Variants in PARVB observed in about 807,000 individuals in gnomAD.
PARVB encodes the protein parvin beta, also known as beta-parvin.
A neutral mutation model predicts 47.0 loss-of-function variants in PARVB; 46 were observed. The observed-to-expected ratio is 0.98, with a 90% confidence interval of 0.77 to 1.25. PARVB has a LOEUF of 1.25. Among genes scored for constraint, PARVB ranks in the 50% most tolerant of loss-of-function variants. The probability of loss-of-function intolerance (pLI) is 0.00; values close to 1 mark genes in which losing one functional copy is unlikely to be tolerated. For synonymous variants in PARVB, 196 were observed against 196.3 expected (o/e 1.00, Z 0.01); for missense variants, 473 against 471.6 (o/e 1.00, Z -0.03).
chr22:44,003,543 T>C (rs1948353657), intron 2 of PARVB, among the ~76,000 whole-genome samples: 2 of 152,192 alleles, frequency 1.3e-5, no homozygotes, highest in African/African-American at 4.8e-5. Context: ...TATAATGTGC[T>C]GCGGCAGCCA....
intron 12 of PARVB, among the ~76,000 whole-genome samples, chr22:44,167,762 G>C (rs375032417): frequency 6.9e-6 from 1 of 145,606 alleles, no homozygotes; most frequent in East Asian, 2.0e-4. Context: ...CAAGCCCACC[G>C]AGCTGAGTTC....
At chr22:44,017,229 T>C (rs1455353585) in intron 2 of PARVB, among the ~76,000 whole-genome samples, 3 of 152,174 alleles carry the variant, frequency 2.0e-5, no homozygotes, top group Non-Finnish European at 2.9e-5. Context: ...AATTAGTTTT[T>C]CATAGTGTTA....
chr22:44,167,114 T>C (rs917240707), intron 12 of PARVB, among the ~76,000 whole-genome samples: 5 of 152,126 alleles, frequency 3.3e-5, no homozygotes, highest in African/African-American at 1.2e-4. Flanking sequence ...CCAGCAATGA[T>C]GGGCATCCTG....
At chr22:44,092,643 C>T (rs1349866655) in intron 1 of PARVB, among the ~76,000 whole-genome samples, 1 of 152,052 alleles carries the variant, frequency 6.6e-6, no homozygotes, top group Non-Finnish European at 1.5e-5. Context: ...ACTGGACGCT[C>T]AACATTCATG....
At chr22:44,162,655 T>C (rs2054078131) in intron 11 of PARVB, 1 of 152,332 alleles carries the variant, frequency 6.6e-6, no homozygotes, top group African/African-American at 2.4e-5. Context: ...TGAAGTCCCT[T>C]GCACTGTGAC....
chr22:44,127,907 C>G (rs1024697873), intron 4 of PARVB, among the ~76,000 whole-genome samples: 1 of 152,046 alleles, frequency 6.6e-6, no homozygotes, highest in Non-Finnish European at 1.5e-5. Flanking sequence ...ACCTCAGCTT[C>G]CCCGGGAAGC....
chr22:44,099,567 A>G (rs1268878900), intron 2 of PARVB, among the ~76,000 whole-genome samples: 1 of 151,922 alleles, frequency 6.6e-6, no homozygotes, highest in Non-Finnish European at 1.5e-5. Flanking sequence ...TTTTTTCTGC[A>G]TGTTATTTTA....
chr22:44,007,967 A>G (rs2050483357), intron 2 of PARVB, among the ~76,000 whole-genome samples: 1 of 152,154 alleles, frequency 6.6e-6, no homozygotes, highest in African/African-American at 2.4e-5. Flanking sequence ...CATGTCCTCA[A>G]AGTTCATCTG....
At chr22:44,025,130 G>T (rs1346687433) in intron 1 of PARVB, among the ~76,000 whole-genome samples, 11 of 152,116 alleles carry the variant, frequency 7.2e-5, no homozygotes, top group Middle Eastern at 3.4e-3. Context: ...CTTGGGTGGG[G>T]AGGTTCTGCC....
chr22:44,136,746 A>G (rs2053450405), intron 7 of PARVB, among the ~76,000 whole-genome samples: 1 of 152,176 alleles, frequency 6.6e-6, no homozygotes, highest in Non-Finnish European at 1.5e-5. Context: ...ACAGACTTTG[A>G]ATTTTTTCAT....
chr22:44,119,200 T>A, intron 4 of PARVB, 60 bp downstream of exon 4: 2 of 1,171,162 alleles, frequency 1.7e-6, no homozygotes, highest in Non-Finnish European at 2.6e-6. Flanking sequence ...GGCCCTGGGC[T>A]GGGCCAGGAT....
At chr22:44,006,162 C>G (rs2050462527) in intron 2 of PARVB, among the ~76,000 whole-genome samples, 1 of 152,154 alleles carries the variant, frequency 6.6e-6, no homozygotes, top group Non-Finnish European at 1.5e-5. Context: ...CCAGGATGGT[C>G]TTGAACTTCT....
intron 4 of PARVB, among the ~76,000 whole-genome samples, chr22:44,126,425 T>G (rs754515141): frequency 6.6e-6 from 1 of 152,224 alleles, no homozygotes; most frequent in African/African-American, 2.4e-5. Context: ...CACTGTTGGG[T>G]ACCACTTGCT....
intron 1 of PARVB, among the ~76,000 whole-genome samples, chr22:44,070,010 C>T (rs565212978): frequency 6.6e-6 from 1 of 152,196 alleles, no homozygotes; most frequent in Non-Finnish European, 1.5e-5. Context: ...CTGTTATTAG[C>T]GCCCATCGTG....
At chr22:44,044,874 A>G (rs1404607347) in intron 1 of PARVB, among the ~76,000 whole-genome samples, 1 of 152,198 alleles carries the variant, frequency 6.6e-6, no homozygotes, top group Non-Finnish European at 1.5e-5. Context: ...GCATACATTT[A>G]CCTATATCCA....
chr22:44,131,439 G>A, intron 4 of PARVB, 48 bp from the exon 5 acceptor site: 1 of 1,600,740 alleles, frequency 6.2e-7, no homozygotes, highest in South Asian at 1.1e-5. Context: ...ACTGCGCCTG[G>A]CCCTTCCAGC....
chr22:44,161,314 T>A (rs1056418829), intron 11 of PARVB, among the ~76,000 whole-genome samples: 5 of 149,250 alleles, frequency 3.4e-5, no homozygotes, highest in African/African-American at 1.2e-4. Flanking sequence ...TTTTCTTTTT[T>A]TTTTTTTTTT....
intron 4 of PARVB, among the ~76,000 whole-genome samples, chr22:44,121,310 C>G (rs2147130842): frequency 6.6e-6 from 1 of 152,196 alleles, no homozygotes; most frequent in East Asian, 1.9e-4. Flanking sequence ...CCCTTCTTTC[C>G]TTTTTAATAC....
rs189451412 is a variant in PARVB at position 44,010,729 on chromosome 22, A to G, written c.211+11056A>G. Among the ~76,000 whole-genome samples the G allele has an allele frequency of 4.5e-3, 679 of 152,146 alleles. 3 individuals are homozygous for G. Among genetic ancestry groups the G allele is most frequent in the Non-Finnish European group, 6.5e-3 (441 of 68,028 alleles). ...GGTTGCTCTCTGCTCCCGAATCTGC[A>G]TAGTATCTGATTTTGTATGGCCTGC... On this transcript the variant is annotated intron_variant, in intron 2 of 13. Transcript: ENST00000406477.
Sources: gnomAD v4.1 joint callset for allele counts (sites outside exome capture counted in the v4.1 genomes callset) on GRCh38, gnomAD v4.1.1 for gene constraint, MANE v1.5 for transcripts, NCBI Gene and HGNC (gene_info 2026-07-23, HGNC 2026-07-21) for gene names.